Variants in ELF3 observed in about 807,000 individuals in gnomAD.
ELF3 encodes E74 like ETS transcription factor 3.
In ELF3, 18 loss-of-function variants were observed where a neutral mutation model predicts 43.9. That is an observed-to-expected ratio of 0.41 (90% CI 0.28 to 0.61). The LOEUF (loss-of-function observed/expected upper bound fraction) is 0.61, where lower values mean the gene tolerates loss of function less well. ELF3 is among the 20% of genes least tolerant of loss of function. The pLI is 0.30. For missense variants in ELF3, 373 were observed against 487.7 expected (o/e 0.76, Z 2.21); for synonymous variants, 181 against 190.2 (o/e 0.95, Z 0.40).
In ELF3 at chr1:202,011,007, G is replaced by T. The variant is rs1684180488; in HGVS notation, c.-8-122G>T. ...TTGAAGAGACGGTGTCCGCAGAGTT[G>T]CTGATCTTCCTGCCCCTGGGGGCTA... On this transcript the variant is annotated intron_variant, in intron 1 of 8. Transcript: ENST00000367284. 4.6e-6 allele frequency: 5 copies of T among 1,087,150 alleles called. No homozygotes were observed. The Admixed American group carries it at 8.8e-5, about 19-fold the overall frequency. The allele number at this position is 1,087,150 out of a possible 1,614,324, so 67.3% of individuals were successfully genotyped here.
In ELF3 at chr1:202,012,615, C is replaced by T; in HGVS notation, c.479-25C>T. 6.4e-7 allele frequency: 1 copy of T among 1,563,540 alleles called. No individual in the cohort carries two copies. The highest frequency in any genetic ancestry group is 8.7e-7 in the Non-Finnish European group (1 of 1,154,594). On this transcript the variant is annotated intron_variant, in intron 4 of 8. Transcript: ENST00000367284. This position sits in a 1 kb window ranked among gnomAD's most constrained non-coding sequence, Gnocchi z 4.2. ...CCTGGTCTGGTCCCCTGAGCCCTCT[C>T]TGAGTTCTCACCTCCTCTTCCCAGA...
In ELF3 at chr1:202,012,271, C is replaced by A. The variant is rs1252739815; in HGVS notation, c.386-73C>A. The A allele has an allele frequency of 6.2e-6, 10 of 1,605,572 alleles. No homozygotes were observed. In the African/African-American group the frequency reaches 1.2e-4, roughly 19 times the overall value. The stretch of plus-strand genomic sequence containing the variant: ...CGTAGGCAGGCCCTGGAGCTCTGGG[C>A]CAGCTGCACAGCCAGAGAGAGCCCT... On this transcript the variant is annotated intron_variant, in intron 3 of 8. Transcript: ENST00000367284. This position sits in a 1 kb window ranked among gnomAD's most constrained non-coding sequence, Gnocchi z 4.2.
rs1270713798 is a variant in ELF3 at position 202,012,493 on chromosome 1, C to T, written c.478+57C>T. ...CCTGTCTTGTCCCATCCCTGCCCCT[C>T]CACAGAGTGCTAGAGATGACCCCCT... On this transcript the variant is annotated intron_variant, in intron 4 of 8. Transcript: ENST00000367284. This position sits in a 1 kb window ranked among gnomAD's most constrained non-coding sequence, Gnocchi z 4.2. 6.3e-7 allele frequency: 1 copy of T among 1,599,774 alleles called. No homozygotes were observed. The highest frequency in any genetic ancestry group is 1.3e-5 in the African/African-American group (1 of 74,296).
At chr1:202,011,725 A>G (rs78657627) in intron 2 of ELF3, 17,915 of 554,146 alleles carry the variant, frequency 0.032, 852 homozygotes, top group African/African-American at 0.17. Context: ...TACAAAAAAA[A>G]ATTTATCCCA....
chr1:202,014,155 C>T (rs1684268655), intron 8 of ELF3, 131 bp downstream of exon 8: 2 of 1,105,336 alleles, frequency 1.8e-6, no homozygotes, highest in African/African-American at 3.2e-5. Context: ...AGGACAACAT[C>T]TGGGTTGGTC....
chr1:202,015,413 A>G lies in ELF3; in HGVS notation c.*90A>G. 8.2e-7 allele frequency: 1 copy of G among 1,223,284 alleles called. No homozygotes were observed. The highest frequency in any genetic ancestry group is 1.2e-6 in the Non-Finnish European group (1 of 848,826). 75.8% of individuals were successfully genotyped at this position (1,223,284 alleles called of 1,614,324 possible). A position where few individuals can be genotyped will look rare whatever the true frequency, so the allele number is the denominator to read the frequency against. Reference sequence around the variant, plus strand: ...GACAGGCAGGCCAGATGGCCCCTCCACTGGGGAATGCTCCCAGCTGTGCTG... The same window carrying G: ...GACAGGCAGGCCAGATGGCCCCTCCGCTGGGGAATGCTCCCAGCTGTGCTG... On this transcript the variant is annotated 3_prime_UTR_variant, in exon 9 of 9. Transcript: ENST00000367284.
rs982584911 is a variant in ELF3 at position 202,013,334 on chromosome 1, G to A, written c.805+36G>A. 7.5e-6 allele frequency: 12 copies of A among 1,595,078 alleles called. No individual in the cohort carries two copies. The highest frequency in any genetic ancestry group is 6.7e-5 in the African/African-American group (5 of 74,470). On this transcript the variant is annotated intron_variant, in intron 7 of 8. Transcript: ENST00000367284. This position sits in a 1 kb window ranked among gnomAD's most constrained non-coding sequence, Gnocchi z 5.7. ...GGGGCACGTGGGTCCTCCCTGCGCC[G>A]GGCTGAGCGGCTTCCTGGGGCACTG...
chr1:202,012,225 CTG>C lies in ELF3; in HGVS notation c.385+48_385+49del, dbSNP rs770344127. On this transcript the variant is annotated intron_variant, in intron 3 of 8. Transcript: ENST00000367284. The surrounding 1 kb of genome is among the most constrained non-coding windows in gnomAD (Gnocchi z 4.2). ...CTGGGGAGCAGCTCCACATGTTGAG[CTG>C]AGTCGAGTTCAGTGTGGCCGTAGGC... 1 of 1,607,464 alleles carries C rather than the reference CTG, an allele frequency of 6.2e-7. No individual in the cohort carries two copies. The highest frequency in any genetic ancestry group is 1.1e-5 in the South Asian group (1 of 90,544).
chr1:202,013,380 T>C lies in ELF3; in HGVS notation c.805+82T>C. Reference sequence around the variant, plus strand: ...CACTGCGGGTTGTTGCAGGTATCCCTTCTCCCGTTTTCTCTGGCCTCCGCA... The same window carrying C: ...CACTGCGGGTTGTTGCAGGTATCCCCTCTCCCGTTTTCTCTGGCCTCCGCA... On this transcript the variant is annotated intron_variant, in intron 7 of 8. Coordinates refer to ENST00000367284, the MANE Select transcript of ELF3 (RefSeq NM_004433.5). This position sits in a 1 kb window ranked among gnomAD's most constrained non-coding sequence, Gnocchi z 5.7. 1 of 1,368,778 alleles carries C rather than the reference T, an allele frequency of 7.3e-7. No individual in the cohort carries two copies. 84.8% of individuals were successfully genotyped at this position (1,368,778 alleles called of 1,614,324 possible).
rs763061377 is a variant in ELF3 at position 202,012,159 on chromosome 1, T to G, written c.366T>G (p.His122Gln). ...LVFGPLGDQL[H>Q]AQLRDLTSSS... ...TTGGGCCTCTGGGGGACCAACTCCA[T>G]GCCCAGCTGCGAGACCTCAGTGAGT... The change falls in exon 3 of 9, where the codon CAT (histidine) becomes CAG (glutamine). Residue 122 changes from histidine (H) to glutamine (Q), a missense_variant. This residue lies in a region of ELF3 where 311 missense variants were observed against 351.2 expected (regional missense o/e 0.89). Transcript: ENST00000367284. This position sits in a 1 kb window ranked among gnomAD's most constrained non-coding sequence, Gnocchi z 4.2. The G allele has an allele frequency of 1.2e-6, 2 of 1,613,500 alleles. No individual in the cohort carries two copies. Among genetic ancestry groups the G allele is most frequent in the Non-Finnish European group, 1.7e-6 (2 of 1,179,980 alleles).
rs1273446262 is a variant in ELF3, at chr1:202,015,956, G to A, written c.*633G>A. On this transcript the variant is annotated 3_prime_UTR_variant, in exon 9 of 9. Coordinates refer to ENST00000367284, the MANE Select transcript of ELF3 (RefSeq NM_004433.5). ...ATGGGGCTCCCAGCTCCTTTCTCCT[G>A]TGAATGGAGGCAGAGACCTCCAATA... The A allele has an allele frequency of 1.3e-5, 2 of 152,326 alleles. No homozygotes were observed. The allele number at this position is 152,326 out of a possible 1,614,324, so 9.4% of individuals were successfully genotyped here. A position where few individuals can be genotyped will look rare whatever the true frequency, so the allele number is the denominator to read the frequency against.
In ELF3 at chr1:202,012,175, C is replaced by T. The variant is rs377649003; in HGVS notation, c.382C>T (p.Leu128Phe). The T allele has an allele frequency of 6.2e-7, 1 of 1,612,990 alleles. No homozygotes were observed. The highest frequency in any genetic ancestry group is 2.2e-5 in the East Asian group (1 of 44,852). The part of the protein sequence containing the change: ...GDQLHAQLRD[L>F]TSSSSDELSW... ...CCAACTCCATGCCCAGCTGCGAGAC[C>T]TCAGTGAGTCCAGGCCCCTGGAGGC... The change falls in exon 3 of 9, where the codon CTC (leucine) becomes TTC (phenylalanine). Residue 128 changes from leucine to phenylalanine, a missense_variant. This residue lies in a region of ELF3 where 311 missense variants were observed against 351.2 expected (regional missense o/e 0.89). Coordinates refer to ENST00000367284, the MANE Select transcript of ELF3 (RefSeq NM_004433.5). This position sits in a 1 kb window ranked among gnomAD's most constrained non-coding sequence, Gnocchi z 4.2.
chr1:202,011,663 A>C, intron 2 of ELF3: 2 of 470,524 alleles, frequency 4.3e-6, no homozygotes, highest in Non-Finnish European at 7.6e-6. Flanking sequence ...CCTGAGGTCA[A>C]GAGTTCGAGA....
At position 202,013,829 on chromosome 1, in the gene ELF3, C is replaced by T. The variant is rs374568591; in HGVS notation, c.806C>T (p.Ala269Val). Residue 269 changes from alanine (A) to valine (V), a missense_variant and splice_region_variant, in exon 8 of 9, where the codon GCG (alanine) becomes GTG (valine). By Grantham distance (64) the Ala-to-Val change is moderately conservative. This residue lies in a region of ELF3 where 311 missense variants were observed against 351.2 expected (regional missense o/e 0.89). Coordinates refer to ENST00000367284, the MANE Select transcript of ELF3 (RefSeq NM_004433.5). The surrounding 1 kb of genome is among the most constrained non-coding windows in gnomAD (Gnocchi z 5.7). ...AAACTGATGGAGGCTGGCCTTGCAG[C>T]GCCCAGAGGCACCCACCTGTGGGAG... ...DCLEGKKSKH[A>V]PRGTHLWEFI... 7.2e-5 allele frequency: 115 copies of T among 1,607,326 alleles called. No homozygotes were observed. Among genetic ancestry groups the T allele is most frequent in the Non-Finnish European group, 9.4e-5 (110 of 1,175,254 alleles).
rs1161749508 is a variant in ELF3 at position 202,016,083 on chromosome 1, T to C, written c.*760T>C. ...GTCAAGAGGTTGGAGGGGAGGAAAA[T>C]GAAGGTCTACCAGGCTGAGGGTGAG... On this transcript the variant is annotated 3_prime_UTR_variant, in exon 9 of 9. Transcript: ENST00000367284. 6.6e-6 allele frequency: 1 copy of C among 152,216 alleles called. No homozygotes were observed. The highest frequency in any genetic ancestry group is 1.5e-5 in the Non-Finnish European group (1 of 68,068). The allele number at this position is 152,216 out of a possible 1,614,324, so 9.4% of individuals were successfully genotyped here.
At position 202,016,231 on chromosome 1, in the gene ELF3, GAC is replaced by G. The variant is rs1684307634; in HGVS notation, c.*909_*910del. 1 of 152,570 alleles carries G rather than the reference GAC, an allele frequency of 6.6e-6. No individual in the cohort carries two copies. Among genetic ancestry groups the G allele is most frequent in the Non-Finnish European group, 1.5e-5 (1 of 68,160 alleles). 9.5% of individuals were successfully genotyped at this position (152,570 alleles called of 1,614,324 possible). ...TGAGACTGTTGGAGAACGCTTACAA[GAC>G]TTCATGCAAGCAAGGACATGAACTC... On this transcript the variant is annotated 3_prime_UTR_variant, in exon 9 of 9. Transcript: ENST00000367284.
rs972174619 is a variant in ELF3, at chr1:202,010,719, G to A, written c.-9+13G>A. 4 of 160,190 alleles carry A rather than the reference G, an allele frequency of 2.5e-5. No homozygotes were observed. Among genetic ancestry groups the A allele is most frequent in the Non-Finnish European group, 5.5e-5 (4 of 72,924 alleles). The allele number at this position is 160,190 out of a possible 1,614,324, so 9.9% of individuals were successfully genotyped here. On this transcript the variant is annotated intron_variant, in intron 1 of 8. Coordinates refer to ENST00000367284, the MANE Select transcript of ELF3 (RefSeq NM_004433.5). The surrounding 1 kb of genome is among the most constrained non-coding windows in gnomAD (Gnocchi z 4.3). ...CTCCGCCACTCCGGTAGGATTCCCCGCCTGTCATTCCCTAGCCCAGCTCTT... is the reference window on the plus strand; with the variant it reads ...CTCCGCCACTCCGGTAGGATTCCCCACCTGTCATTCCCTAGCCCAGCTCTT...
Position 202,013,042 on chromosome 1 carries a change from T to G in ELF3, c.688+6T>G. The G allele has an allele frequency of 6.2e-7, 1 of 1,611,092 alleles. No individual in the cohort carries two copies. Among genetic ancestry groups the G allele is most frequent in the Non-Finnish European group, 8.5e-7 (1 of 1,178,654 alleles). On this transcript the variant is annotated splice_donor_region_variant and intron_variant, in intron 6 of 8. Coordinates refer to ENST00000367284, the MANE Select transcript of ELF3 (RefSeq NM_004433.5). The surrounding 1 kb of genome is among the most constrained non-coding windows in gnomAD (Gnocchi z 5.7). ...TGGCAAGCTCTTCCCCAGCGGTGAG[T>G]CGAGGGAGGTCCCCAAGAGGGCGTC...
rs181915412 is a variant in ELF3 at position 202,014,537 on chromosome 1, C to T, written c.1001+513C>T. ...CAAACTCCTGGCCTCAAATGACTCTCCTGCCTCGGCCTCTCAAAGTGCTGG... is the reference window on the plus strand; with the variant it reads ...CAAACTCCTGGCCTCAAATGACTCTTCTGCCTCGGCCTCTCAAAGTGCTGG... On this transcript the variant is annotated intron_variant, in intron 8 of 8. Transcript: ENST00000367284. Among the ~76,000 whole-genome samples, 717 of 152,328 alleles carry T rather than the reference C, an allele frequency of 4.7e-3. 7 individuals are homozygous for T. Among genetic ancestry groups the T allele is most frequent in the African/African-American group, 0.017 (692 of 41,576 alleles).
Sources: allele counts gnomAD v4.1 joint callset (sites outside exome capture counted in the v4.1 genomes callset), GRCh38; gene constraint gnomAD v4.1.1; regional missense constraint gnomAD v4.1.1; non-coding constraint Gnocchi (gnomAD v3.1); transcripts MANE v1.5; gene names NCBI Gene and HGNC (gene_info 2026-07-23, HGNC 2026-07-21).